The following RGS7 variants were observed in gnomAD, a reference collection of about 807,000 sequenced individuals.
RGS7 encodes the protein regulator of G protein signaling 7, also known as regulator of G-protein signaling 7.
A neutral mutation model predicts 81.1 loss-of-function variants in RGS7; 27 were observed. The observed-to-expected ratio is 0.33, with a 90% CI of 0.25 to 0.46. The LOEUF is 0.46. RGS7 is among the 20% of genes least tolerant of loss of function. The pLI is 1.00. For synonymous variants in RGS7, 208 were observed against 207.7 expected (o/e 1.00, Z -0.01); for missense variants, 396 against 607.4 (o/e 0.65, Z 3.66).
At chr1:240,827,247 C>CTGGAGAGCGA in intron 9 of RGS7, 75 bp from the exon 10 acceptor site, 1 of 1,194,164 alleles carries the variant, frequency 8.4e-7, no homozygotes. Context: ...ATGAATGGCT[C>CTGGAGAGCGA]GCTCTCCAGA....
intron 6 of RGS7, among the ~76,000 whole-genome samples, chr1:240,929,967 C>T (rs891519478): frequency 1.3e-5 from 2 of 152,158 alleles, no homozygotes; most frequent in African/African-American, 2.4e-5. Flanking sequence ...GAACTCAGTC[C>T]CCTTTGCGAA....
intron 2 of RGS7, among the ~76,000 whole-genome samples, chr1:241,342,519 C>T (rs187096409): frequency 5.9e-5 from 9 of 152,250 alleles, no homozygotes; most frequent in South Asian, 2.1e-4. Context: ...CTTTCCTCAG[C>T]GGATAGTGAG....
chr1:240,964,855 G>C (rs1682029510), intron 4 of RGS7, among the ~76,000 whole-genome samples: 1 of 152,120 alleles, frequency 6.6e-6, no homozygotes, highest in South Asian at 2.1e-4. Flanking sequence ...AAGAGGTCAT[G>C]AAAAGAACAT....
intron 3 of RGS7, chr1:240,998,743 C>A (rs531926547): frequency 7.2e-6 from 6 of 832,662 alleles, no homozygotes; most frequent in Non-Finnish European, 1.0e-5. Context: ...ACCTCATCAT[C>A]GTGCGGAATG....
chr1:240,876,222 T>C (rs4659583), intron 6 of RGS7, among the ~76,000 whole-genome samples: 84,673 of 151,858 alleles, frequency 0.56, 24,376 homozygotes, highest in South Asian at 0.68. Context: ...TTCCCAGGGG[T>C]GCGTGACTCT....
rs111779923 is a variant in RGS7 at position 240,854,552 on chromosome 1, C to T, written c.609+14035G>A. Among the ~76,000 whole-genome samples the T allele has an allele frequency of 7.6e-3, 1,156 of 152,250 alleles. 15 individuals carry two copies. Among genetic ancestry groups the T allele is most frequent in the African/African-American group, 0.025 (1,058 of 41,520 alleles). On this transcript the variant is annotated intron_variant, in intron 9 of 18. Transcript: ENST00000440928. ...TAATGACTCAGGAAAGGAGACGCTA[C>T]GCCTCGTCTGGACTTTTCAGACGGC...
rs77771997 is a variant in RGS7 at position 240,845,433 on chromosome 1, G to A, written c.610-18261C>T. ...AAAACTAGTTAACATGCACAAAGCC[G>A]GTCCTGGTGCGATATAATATCCTGC... On this transcript the variant is annotated intron_variant, in intron 9 of 18. Coordinates refer to ENST00000440928, the MANE Select transcript of RGS7 (RefSeq NM_001364886.1). Among the ~76,000 whole-genome samples, 746 of 152,214 alleles carry A rather than the reference G, an allele frequency of 4.9e-3. 10 individuals carry two copies. Among genetic ancestry groups the A allele is most frequent in the African/African-American group, 0.017 (718 of 41,520 alleles).
chr1:241,000,909 A>C (rs1000640488), intron 3 of RGS7, among the ~76,000 whole-genome samples: 1 of 149,618 alleles, frequency 6.7e-6, no homozygotes, highest in Admixed American at 6.8e-5. Flanking sequence ...CACCTGCCTC[A>C]GCCTTCCAAA....
intron 2 of RGS7, among the ~76,000 whole-genome samples, chr1:241,213,329 T>A (rs1358116790): frequency 6.6e-6 from 1 of 152,146 alleles, no homozygotes; most frequent in African/African-American, 2.4e-5. Flanking sequence ...TGAATGCGAA[T>A]CTCCTTTCAA....
At chr1:241,096,086 C>A (rs781312858) in intron 3 of RGS7, among the ~76,000 whole-genome samples, 5 of 152,198 alleles carry the variant, frequency 3.3e-5, no homozygotes, top group Non-Finnish European at 5.9e-5. Flanking sequence ...CCTCCTTTCA[C>A]ATATGGCAGG....
intron 3 of RGS7, among the ~76,000 whole-genome samples, chr1:241,012,928 T>C (rs2059033796): frequency 6.6e-6 from 1 of 152,146 alleles, no homozygotes; most frequent in South Asian, 2.1e-4. Flanking sequence ...AAGATAGCCT[T>C]TGCTTGCAAT....
chr1:240,993,093 A>AGGAAAGAG (rs201532830), intron 3 of RGS7, among the ~76,000 whole-genome samples: 1 of 85,452 alleles, frequency 1.2e-5, no homozygotes, highest in Non-Finnish European at 2.3e-5. Context: ...GAAGGAAGGA[A>AGGAAAGAG]GGAGGGAGGG....
At chr1:240,840,279 CT>C (rs879372018) in intron 9 of RGS7, among the ~76,000 whole-genome samples, 115 of 146,050 alleles carry the variant, frequency 7.9e-4, no homozygotes, top group Admixed American at 1.1e-3. Flanking sequence ...CTTTTCTTTT[CT>C]TTTTTTTTTT....
intron 2 of RGS7, among the ~76,000 whole-genome samples, chr1:241,248,600 A>C (rs1324687620): frequency 6.6e-6 from 1 of 151,688 alleles, no homozygotes; most frequent in East Asian, 1.9e-4. Context: ...TTTTGTGTGA[A>C]GCAGTATTTT....
intron 3 of RGS7, among the ~76,000 whole-genome samples, chr1:241,065,068 A>G (rs2061981427): frequency 6.6e-6 from 1 of 152,136 alleles, no homozygotes; most frequent in African/African-American, 2.4e-5. Flanking sequence ...AGAATCGGGA[A>G]GATACACCTC....
chr1:241,221,038 GA>G lies in RGS7; in HGVS notation c.79-122277del, dbSNP rs1491557038. On this transcript the variant is annotated intron_variant, in intron 2 of 18. Transcript: ENST00000440928. Reference sequence around the variant, plus strand: ...GGAAGGAAGGAAGGAAGGAAGGAAGGAAAAGAAAGAAAGAAAGAAAGAGAGA... The same window carrying G: ...GGAAGGAAGGAAGGAAGGAAGGAAGGAAAGAAAGAAAGAAAGAAAGAGAGA... Among the ~76,000 whole-genome samples the G allele has an allele frequency of 3.7e-4, 27 of 73,964 alleles. No homozygotes were observed. In the East Asian group the frequency reaches 5.8e-3, roughly 16 times the overall value. The allele number at this position is 73,964 out of a possible 152,430, so 48.5% of individuals were successfully genotyped here. A position where few individuals can be genotyped will look rare whatever the true frequency, so the allele number is the denominator to read the frequency against.
At chr1:240,858,269 C>T (rs576350719) in intron 9 of RGS7, among the ~76,000 whole-genome samples, 4 of 152,152 alleles carry the variant, frequency 2.6e-5, no homozygotes, top group Non-Finnish European at 5.9e-5. Context: ...AGTGGGAATG[C>T]TATATTGTAT....
chr1:240,823,368 C>T (rs752726499), intron 10 of RGS7: 12 of 471,156 alleles, frequency 2.5e-5, no homozygotes, highest in African/African-American at 5.9e-5. Context: ...AGATGCCCAG[C>T]GGCCTGGAGC....
intron 3 of RGS7, chr1:240,998,575 G>A: frequency 1.2e-6 from 1 of 831,714 alleles, no homozygotes; most frequent in Non-Finnish European, 2.0e-6. Context: ...GGTACAGATA[G>A]AGCCAGCTGC....
Sources: allele counts gnomAD v4.1 joint callset (sites outside exome capture counted in the v4.1 genomes callset), GRCh38; gene constraint gnomAD v4.1.1; transcripts MANE v1.5; gene names NCBI Gene and HGNC (gene_info 2026-07-23, HGNC 2026-07-21).